The following DIAPH2 variants were observed in gnomAD, a reference collection of about 807,000 sequenced individuals.
The protein encoded by DIAPH2 is protein diaphanous homolog 2.
In DIAPH2, 35 loss-of-function variants were observed where a neutral mutation model predicts 92.7. The ratio of observed to expected loss-of-function variants is 0.38; its 90% CI spans 0.29 to 0.50. The LOEUF (loss-of-function observed/expected upper bound fraction) is 0.50. Among genes scored for constraint, DIAPH2 ranks in the 20% least tolerant of loss-of-function variants. DIAPH2 has a pLI of 0.94. For synonymous variants in DIAPH2, 301 were observed against 280.4 expected, an observed-to-expected ratio of 1.07 and a Z score of -0.73; for missense variants, 701 against 819.5, an observed-to-expected ratio of 0.86 and a Z score of 1.77.
chrX:96,793,002 A>C (rs1217100239), intron 4 of DIAPH2, among the ~76,000 whole-genome samples: 1 of 111,685 alleles, frequency 9.0e-6, no homozygotes, highest in East Asian at 2.8e-4. Flanking sequence ...ATGCATTTGG[A>C]TGCTCTGAAA....
At chrX:97,479,156 G>GTTATC (rs2070632344) in intron 26 of DIAPH2, among the ~76,000 whole-genome samples, 1 of 110,734 alleles carries the variant, frequency 9.0e-6, no homozygotes, top group South Asian at 3.8e-4. Flanking sequence ...TCACAGTTCT[G>GTTATC]TTATCTATAG....
chrX:96,817,766 A>G (rs1413950377), intron 4 of DIAPH2, among the ~76,000 whole-genome samples: 1 of 108,890 alleles, frequency 9.2e-6, no homozygotes, highest in African/African-American at 3.4e-5. Flanking sequence ...AATTCTATTC[A>G]TGAGGTCTCT....
At chrX:96,824,127 G>A (rs1019594303) in intron 4 of DIAPH2, among the ~76,000 whole-genome samples, 7 of 110,216 alleles carry the variant, frequency 6.4e-5, no homozygotes, top group African/African-American at 2.3e-4. Flanking sequence ...CATCTGTAGG[G>A]GTCTTTTATT....
intron 21 of DIAPH2, among the ~76,000 whole-genome samples, chrX:97,129,881 C>T (rs1344040736): frequency 3.7e-5 from 4 of 109,481 alleles, no homozygotes; most frequent in African/African-American, 6.6e-5. Flanking sequence ...GATTGATATC[C>T]GTAATATATA....
At chrX:97,107,841 G>A (rs773403221) in intron 20 of DIAPH2, among the ~76,000 whole-genome samples, 3 of 111,246 alleles carry the variant, frequency 2.7e-5, no homozygotes, top group South Asian at 3.9e-4. Flanking sequence ...TTGAAGAGAC[G>A]GGGGGATCAG....
chrX:97,475,086 C>A (rs2070593581), intron 26 of DIAPH2, among the ~76,000 whole-genome samples: 1 of 111,080 alleles, frequency 9.0e-6, no homozygotes, highest in Admixed American at 9.6e-5. Flanking sequence ...TGATAAAAAT[C>A]TTGGTTTGTC....
Position 97,437,379 on chromosome X carries a change from T to C in DIAPH2, c.3241+7634T>C, listed in dbSNP as rs993278099. On this transcript the variant is annotated intron_variant, in intron 26 of 26. Transcript: ENST00000324765. ...AAAAGCATGACATTCATCCAAGTAATACTTATTAATCAAATACTAGGGGCC... is the reference window on the plus strand; with the variant it reads ...AAAAGCATGACATTCATCCAAGTAACACTTATTAATCAAATACTAGGGGCC... 6.3e-5 allele frequency among the ~76,000 whole-genome samples: 7 copies of C among 111,878 alleles called. No individual in the cohort carries two copies. In the Admixed American group the frequency reaches 6.7e-4, roughly 11 times the overall value.
At chrX:96,804,509 G>A (rs1464136629) in intron 4 of DIAPH2, among the ~76,000 whole-genome samples, 1 of 111,504 alleles carries the variant, frequency 9.0e-6, no homozygotes, top group African/African-American at 3.3e-5. Context: ...GAAAGATAAG[G>A]GAAGGAATGA....
intron 10 of DIAPH2, among the ~76,000 whole-genome samples, chrX:96,935,543 T>A (rs1361078536): frequency 9.0e-6 from 1 of 111,221 alleles, no homozygotes; most frequent in African/African-American, 3.3e-5. Flanking sequence ...TTCCAAGAAC[T>A]ACTGAGGACA....
chrX:97,293,502 T>C (rs908094613), intron 23 of DIAPH2, among the ~76,000 whole-genome samples: 2 of 110,973 alleles, frequency 1.8e-5, no homozygotes, highest in Non-Finnish European at 3.8e-5. Flanking sequence ...CTGCCCACCT[T>C]GGCCTCCCAA....
rs747636650 is a variant in DIAPH2 at position 97,209,875 on chromosome X, CT to C, written c.2720-37832del. Among the ~76,000 whole-genome samples, 803 of 110,460 alleles carry C rather than the reference CT, an allele frequency of 7.3e-3. 21 individuals carry two copies. In the East Asian group the frequency reaches 0.098, roughly 14 times the overall value. On this transcript the variant is annotated intron_variant, in intron 22 of 26. Coordinates refer to ENST00000324765, the MANE Select transcript of DIAPH2 (RefSeq NM_006729.5). ...TTAATGATTTTAACGGAAATCACTT[CT>C]TTTTTTTATATTTATAAGCATTTAG...
intron 22 of DIAPH2, among the ~76,000 whole-genome samples, chrX:97,237,771 C>T (rs766608038): frequency 1.2e-3 from 137 of 109,646 alleles, no homozygotes; most frequent in African/African-American, 4.3e-3. Context: ...TTAGTAGAGA[C>T]GGAGTTTCAC....
At chrX:97,252,585 T>C (rs1017659385) in intron 23 of DIAPH2, among the ~76,000 whole-genome samples, 1 of 111,801 alleles carries the variant, frequency 8.9e-6, no homozygotes, top group Non-Finnish European at 1.9e-5. Context: ...ACCAGTGACA[T>C]TGATCACCTT....
At chrX:96,881,961 C>G (rs2065215855) in intron 5 of DIAPH2, among the ~76,000 whole-genome samples, 1 of 111,157 alleles carries the variant, frequency 9.0e-6, no homozygotes, top group Admixed American at 9.6e-5. Context: ...AGTTAAATAT[C>G]CACATTTACA....
chrX:97,383,582 A>G lies in DIAPH2; in HGVS notation c.3010-327A>G, dbSNP rs148239165. ...ACTTATTGTTAAATCTGTAACATTG[A>G]TGTCCTTAATTTTCTGGCACCCTAG... On this transcript the variant is annotated intron_variant, in intron 24 of 26. Coordinates refer to ENST00000324765, the MANE Select transcript of DIAPH2 (RefSeq NM_006729.5). Among the ~76,000 whole-genome samples the G allele has an allele frequency of 9.9e-3, 1,053 of 106,598 alleles. 10 individuals are homozygous for G. Among genetic ancestry groups the G allele is most frequent in the Non-Finnish European group, 0.016 (830 of 51,942 alleles). The allele number at this position is 106,598 out of a possible 115,157, so 92.6% of individuals were successfully genotyped here. A position where few individuals can be genotyped will look rare whatever the true frequency, so the allele number is the denominator to read the frequency against.
intron 26 of DIAPH2, among the ~76,000 whole-genome samples, chrX:97,524,807 C>G (rs1472467274): frequency 1.8e-5 from 2 of 112,145 alleles, no homozygotes; most frequent in Non-Finnish European, 1.9e-5. Context: ...ACACTCTACA[C>G]AAGAATCTTT....
At chrX:97,142,068 T>G (rs2067212343) in intron 22 of DIAPH2, among the ~76,000 whole-genome samples, 1 of 111,725 alleles carries the variant, frequency 9.0e-6, no homozygotes, top group African/African-American at 3.2e-5. Context: ...TTGATAAACA[T>G]TTAAGTGGAT....
At chrX:96,705,016 C>T (rs2147528615) in intron 1 of DIAPH2, among the ~76,000 whole-genome samples, 1 of 101,763 alleles carries the variant, frequency 9.8e-6, no homozygotes, top group South Asian at 5.0e-4. Context: ...CTCTGTTGCC[C>T]AGGCTGGAGT....
At chrX:97,387,562 C>T (rs181635324) in intron 25 of DIAPH2, among the ~76,000 whole-genome samples, 1 of 111,755 alleles carries the variant, frequency 8.9e-6, no homozygotes, top group Non-Finnish European at 1.9e-5. Context: ...TAGTCAGGCC[C>T]TCAACTGATT....
Sources: gnomAD v4.1 joint callset for allele counts (sites outside exome capture counted in the v4.1 genomes callset) on GRCh38, gnomAD v4.1.1 for gene constraint, MANE v1.5 for transcripts, NCBI Gene and HGNC (gene_info 2026-07-23, HGNC 2026-07-21) for gene names.